The following PCLO variants were observed in gnomAD, a reference collection of about 807,000 sequenced individuals.
PCLO encodes the protein protein piccolo.
In PCLO, 82 loss-of-function variants were observed where a neutral mutation model predicts 427.5. That is an observed-to-expected ratio of 0.19 (90% CI 0.16 to 0.23). PCLO has a LOEUF of 0.23. PCLO is among the 10% of genes least tolerant of loss of function. PCLO has a pLI of 1.00. For missense variants in PCLO, 6,239 were observed against 6,115.9 expected (o/e 1.02, Z -0.67); for synonymous variants, 2,357 against 2,155.4 (o/e 1.09, Z -2.59).
rs907252402 is a variant in PCLO at position 82,856,779 on chromosome 7, G to T, written c.13655-9532C>A. ...AAATGATATTAACAGATTAATACTG[G>T]TCTGCTGTGGTTTGAACGCCTCCTC... On this transcript the variant is annotated intron_variant, in intron 10 of 24. Coordinates refer to ENST00000333891, the MANE Select transcript of PCLO (RefSeq NM_033026.6). Among the ~76,000 whole-genome samples, 8 of 152,110 alleles carry T rather than the reference G, an allele frequency of 5.3e-5. No individual in the cohort carries two copies. The South Asian group carries it at 1.7e-3, about 32-fold the overall frequency.
In PCLO at chr7:82,952,648, T is replaced by G; in HGVS notation, c.8305A>C (p.Ser2769Arg). 6.2e-7 allele frequency: 1 copy of G among 1,613,956 alleles called. No individual in the cohort carries two copies. Among genetic ancestry groups the G allele is most frequent in the Non-Finnish European group, 8.5e-7 (1 of 1,179,838 alleles). ...TANEVYGKQI[S>R]AVQPSIINLS... ...TTTATAATAGAGGGTTGGACAGCAC[T>G]AATTTGTTTCCCATAAACTTCATTT... is the stretch of plus-strand genomic sequence containing the variant. Residue 2769 changes from serine to arginine, a missense_variant, in exon 5 of 25, where the codon AGT (serine) becomes CGT (arginine). Around this residue, in one of 5 missense-constraint regions of PCLO, gnomAD observed 4,677 missense variants for 4,468.4 expected, o/e 1.05. Transcript: ENST00000333891.
At chr7:83,159,416 G>A (rs1354324555) in intron 1 of PCLO, among the ~76,000 whole-genome samples, 1 of 151,978 alleles carries the variant, frequency 6.6e-6, no homozygotes, top group East Asian at 1.9e-4. Flanking sequence ...TGATATATCT[G>A]TAACTGTAAA....
At chr7:83,162,214 A>C (rs1584106029) in intron 1 of PCLO, 131 bp downstream of exon 1, 1 of 1,073,582 alleles carries the variant, frequency 9.3e-7, no homozygotes. Context: ...CTCTATGGCC[A>C]CCCCACTGGG....
rs1191184226 is a variant in PCLO at position 82,952,914 on chromosome 7, G to A, written c.8039C>T (p.Ser2680Leu). ...ACTAGGAGCTGTACTTCTGGTTGCT[G>A]AAACCTCAGTCTTGGAAACTTCAGT... ...LTTEVSKTEV[S>L]ATRSTAPSVG... is the part of the protein sequence containing the mutation. The change falls in exon 5 of 25, where the codon TCA becomes TTA. Residue 2680 changes from serine to leucine, a missense_variant. By Grantham distance (145) the Ser-to-Leu change is moderately radical. Transcript: ENST00000333891. 1.9e-6 allele frequency: 3 copies of A among 1,613,928 alleles called. No homozygotes were observed. The highest frequency in any genetic ancestry group is 1.1e-5 in the South Asian group (1 of 91,080).
chr7:83,064,905 CAATAACTTCTAATGGTG>C (rs1789628478), intron 3 of PCLO, among the ~76,000 whole-genome samples: 1 of 151,892 alleles, frequency 6.6e-6, no homozygotes, highest in African/African-American at 2.4e-5. Flanking sequence ...CCAAAGGGAA[CAATAACTTCTAATGGTG>C]GGAGATGGAT....
At chr7:82,930,924 G>T (rs895886588) in intron 6 of PCLO, among the ~76,000 whole-genome samples, 5 of 152,084 alleles carry the variant, frequency 3.3e-5, no homozygotes, top group Non-Finnish European at 7.4e-5. Flanking sequence ...GAATGAATGG[G>T]CCAATAAATT....
intron 1 of PCLO, among the ~76,000 whole-genome samples, chr7:83,160,064 A>C (rs924987889): frequency 1.3e-5 from 2 of 152,174 alleles, no homozygotes; most frequent in African/African-American, 4.8e-5. Context: ...CATCGGTGAC[A>C]GTGTCACCCA....
chr7:82,915,415 G>T lies in PCLO; in HGVS notation c.12571C>A (p.His4191Asn). The change falls in exon 7 of 25, where the codon CAT (histidine) becomes AAT (asparagine). Residue 4191 changes from histidine to asparagine, a missense_variant. Physicochemically the swap from His to Asn is moderately conservative, Grantham distance 68. Around this residue, in one of 5 missense-constraint regions of PCLO, gnomAD observed 680 missense variants for 677.3 expected, o/e 1.00. Coordinates refer to ENST00000333891, the MANE Select transcript of PCLO (RefSeq NM_033026.6). Reference sequence around the variant, plus strand: ...TTAGGGTCAATTAGTGATTTCTTATGCTTTGACTGCTTTTGATAAAGTATG... The same window carrying T: ...TTAGGGTCAATTAGTGATTTCTTATTCTTTGACTGCTTTTGATAAAGTATG... The part of the protein sequence containing the change: ...AAILYQKQSK[H>N]KKSLIDPKMS... The T allele has an allele frequency of 1.9e-6, 3 of 1,613,554 alleles. No homozygotes were observed. The highest frequency in any genetic ancestry group is 2.5e-6 in the Non-Finnish European group (3 of 1,179,702).
At chr7:82,808,178 T>C (rs938283143) in intron 20 of PCLO, among the ~76,000 whole-genome samples, 1 of 151,912 alleles carries the variant, frequency 6.6e-6, no homozygotes, top group East Asian at 1.9e-4. Flanking sequence ...ATGGAAGACA[T>C]TAATTTCATC....
intron 22 of PCLO, among the ~76,000 whole-genome samples, chr7:82,777,194 C>A (rs902327886): frequency 1.3e-5 from 2 of 151,870 alleles, no homozygotes; most frequent in African/African-American, 4.8e-5. Context: ...TACAGCTAAC[C>A]AGGGAGGTGA....
At position 82,796,336 on chromosome 7, in the gene PCLO, C is replaced by T. The variant is rs1440087263; in HGVS notation, c.15007+5182G>A. On this transcript the variant is annotated intron_variant, in intron 22 of 24. Transcript: ENST00000333891. ...GAAAATGTGATAAGGTGATAAGGTC[C>T]AGGGAAATCACACCCCAAATAGGAG... Among the ~76,000 whole-genome samples, 4 of 152,006 alleles carry T rather than the reference C, an allele frequency of 2.6e-5. No individual in the cohort carries two copies. In the East Asian group the frequency reaches 7.7e-4, roughly 29 times the overall value.
chr7:82,953,690 G>GGGT lies in PCLO; in HGVS notation c.7260_7262dup (p.Pro2426dup). The GGGT allele has an allele frequency of 1.9e-6, 2 of 1,068,054 alleles. No individual in the cohort carries two copies. The highest frequency in any genetic ancestry group is 2.7e-5 in the East Asian group (1 of 37,684). The allele number at this position is 1,068,054 out of a possible 1,614,324, so 66.2% of individuals were successfully genotyped here. ...GTGGAGGAAGTGGTGGGGGAGGAGG[G>GGGT]GGTGGTGGTGGAGGAGGAGGAGGAG... On this transcript the variant is annotated inframe_insertion, in exon 5 of 25. Coordinates refer to ENST00000333891, the MANE Select transcript of PCLO (RefSeq NM_033026.6).
chr7:82,943,561 TA>T (rs1247924843), intron 6 of PCLO, among the ~76,000 whole-genome samples: 1 of 152,300 alleles, frequency 6.6e-6, no homozygotes, highest in South Asian at 2.1e-4. Context: ...TCTTGGAATT[TA>T]CATTGCTATG....
chr7:83,122,990 C>CA (rs781274405), intron 3 of PCLO, among the ~76,000 whole-genome samples: 1 of 151,624 alleles, frequency 6.6e-6, no homozygotes, highest in Non-Finnish European at 1.5e-5. Context: ...GGAAAGGACA[C>CA]AAAAAAGGAA....
At chr7:82,949,157 ATAAGAC>A (rs1222926739) in intron 6 of PCLO, among the ~76,000 whole-genome samples, 5 of 152,198 alleles carry the variant, frequency 3.3e-5, no homozygotes, top group Non-Finnish European at 7.3e-5. Flanking sequence ...CGATATAAGA[ATAAGAC>A]TTTCAATTTC....
intron 20 of PCLO, among the ~76,000 whole-genome samples, chr7:82,815,178 T>C (rs1791652030): frequency 1.3e-5 from 2 of 152,146 alleles, no homozygotes; most frequent in African/African-American, 2.4e-5. Flanking sequence ...TAAAATCTTG[T>C]CTATTTTTGG....
Position 82,761,484 on chromosome 7 carries a change from T to C in PCLO, c.15017A>G (p.Gln5006Arg). ...TGCAATCTTGATTTCTCCCATTACCTGAGTTTTAGCTGGGAGAATTTAATA... is the reference window on the plus strand; with the variant it reads ...TGCAATCTTGATTTCTCCCATTACCCGAGTTTTAGCTGGGAGAATTTAATA... ...VGLADTEAKTQVMGEIKIALK... is the reference protein window; with the variant it reads ...VGLADTEAKTRVMGEIKIALK... Residue 5006 changes from glutamine to arginine, a missense_variant, in exon 23 of 25, where the codon CAG becomes CGG. By Grantham distance (43) the Gln-to-Arg change is conservative. Transcript: ENST00000333891. 1 of 1,596,328 alleles carries C rather than the reference T, an allele frequency of 6.3e-7. No individual in the cohort carries two copies. Among genetic ancestry groups the C allele is most frequent in the Non-Finnish European group, 8.5e-7 (1 of 1,171,360 alleles).
In PCLO at chr7:82,953,364, T is replaced by C; in HGVS notation, c.7589A>G (p.His2530Arg). 1 of 1,613,404 alleles carries C rather than the reference T, an allele frequency of 6.2e-7. No individual in the cohort carries two copies. The highest frequency in any genetic ancestry group is 8.5e-7 in the Non-Finnish European group (1 of 1,179,776). ...PTTTQKPTDI[H>R]PKPTGLSLTS... The stretch of plus-strand genomic sequence containing the variant: ...TAAAGATAGGCCTGTTGGTTTGGGG[T>C]GTATATCTGTTGGTTTTTGTGTAGT... Residue 2530 changes from histidine to arginine, a missense_variant, in exon 5 of 25, where the codon CAC (histidine) becomes CGC (arginine). Physicochemically the swap from His to Arg is conservative, Grantham distance 29 (BLOSUM62 0). Coordinates refer to ENST00000333891, the MANE Select transcript of PCLO (RefSeq NM_033026.6).
chr7:82,812,912 G>GA (rs201636362), intron 20 of PCLO, among the ~76,000 whole-genome samples: 1,565 of 145,976 alleles, frequency 0.011, 18 homozygotes, highest in African/African-American at 0.035. Flanking sequence ...GACAATTGGA[G>GA]AAAAAAAAAA....
Sources: gnomAD v4.1 joint callset for allele counts (sites outside exome capture counted in the v4.1 genomes callset) on GRCh38, gnomAD v4.1.1 for gene constraint, gnomAD v4.1.1 regional missense constraint, MANE v1.5 for transcripts, NCBI Gene and HGNC (gene_info 2026-07-23, HGNC 2026-07-21) for gene names.